CTBP1: variants seen among roughly 807,000 people sequenced by gnomAD.
The protein encoded by CTBP1 is C-terminal-binding protein 1.
CTBP1 carries 11 observed loss-of-function variants against 42.1 expected under a neutral mutation model. That is an observed-to-expected ratio of 0.26 (90% CI 0.16 to 0.43). CTBP1 has a LOEUF of 0.43. Ranked by LOEUF, CTBP1 falls within the 20% of genes least tolerant of loss-of-function variation. CTBP1 has a pLI of 1.00. For missense variants in CTBP1, 399 were observed against 624.3 expected (o/e 0.64, Z 3.85); for synonymous variants, 324 against 277.1 (o/e 1.17, Z -1.68).
At chr4:1,248,685 G>A (rs1001488921) in intron 1 of CTBP1, 21 of 981,360 alleles carry the variant, frequency 2.1e-5, no homozygotes, top group Middle Eastern at 1.0e-3. Context: ...GGCGGGGAGA[G>A]CAGACTGCGG....
Position 1,212,245 on chromosome 4 carries a change from A to G in CTBP1, c.1285T>C (p.Leu429=), listed in dbSNP as rs760712247. 9 of 1,487,636 alleles carry G rather than the reference A, an allele frequency of 6.0e-6. No individual in the cohort carries two copies. The highest frequency in any genetic ancestry group is 1.5e-5 in the African/African-American group (1 of 68,568). The allele number at this position is 1,487,636 out of a possible 1,614,324, so 92.2% of individuals were successfully genotyped here. A position where few individuals can be genotyped will look rare whatever the true frequency, so the allele number is the denominator to read the frequency against. ...EADRDHASDQ[L] The stretch of plus-strand genomic sequence containing the variant: ...GCTGGAGAGCTCCTCCCGGGCTACA[A>G]CTGGTCACTGGCGTGGTCTCTATCC... Residue 429 remains leucine, a synonymous_variant, in exon 10 of 10, where the codon TTG becomes CTG. Coordinates refer to ENST00000382952, the MANE Select transcript of CTBP1 (RefSeq NM_001012614.2).
chr4:1,226,296 C>T (rs1295140982), intron 4 of CTBP1, among the ~76,000 whole-genome samples: 1 of 152,170 alleles, frequency 6.6e-6, no homozygotes, highest in East Asian at 1.9e-4. Flanking sequence ...GCACTTCCCA[C>T]CCCATCCGGA....
intron 1 of CTBP1, chr4:1,244,675 A>C (rs969327074): frequency 1.0e-6 from 1 of 985,248 alleles, no homozygotes; most frequent in African/African-American, 1.7e-5. Flanking sequence ...GGGCACCCTA[A>C]GGCTGGGTGG....
intron 6 of CTBP1, among the ~76,000 whole-genome samples, chr4:1,215,331 ACATAC>A (rs1222369412): frequency 6.6e-6 from 1 of 152,258 alleles, no homozygotes; most frequent in African/African-American, 2.4e-5. Context: ...ACATGCACAT[ACATAC>A]AAGCTCATAC....
At position 1,245,936 on chromosome 4, in the gene CTBP1, G is replaced by A. The variant is rs141882370; in HGVS notation, c.-189+2980C>T. ...CCATCCTCACTCTCCTTCAACACCC[G>A]TGAGAACTGGTACCACCTGGGGCCG... is the stretch of plus-strand genomic sequence containing the variant. On this transcript the variant is annotated intron_variant, in intron 1 of 9. Coordinates refer to ENST00000382952, the MANE Select transcript of CTBP1 (RefSeq NM_001012614.2). Among the ~76,000 whole-genome samples the A allele has an allele frequency of 4.3e-3, 659 of 152,286 alleles. 7 individuals are homozygous for A. Among genetic ancestry groups the A allele is most frequent in the Admixed American group, 0.01 (158 of 15,312 alleles).
intron 1 of CTBP1, among the ~76,000 whole-genome samples, chr4:1,247,278 G>C (rs1269526647): frequency 6.6e-6 from 1 of 152,144 alleles, no homozygotes; most frequent in Non-Finnish European, 1.5e-5. Context: ...GCACCCCCAG[G>C]AGTGACCAGA....
intron 1 of CTBP1, among the ~76,000 whole-genome samples, chr4:1,247,258 G>A (rs1454730996): frequency 1.3e-5 from 2 of 152,234 alleles, no homozygotes; most frequent in African/African-American, 4.8e-5. Flanking sequence ...TGGCCGGGCA[G>A]GCGGACGAGG....
At chr4:1,237,259 G>A in intron 3 of CTBP1, 1 of 669,752 alleles carries the variant, frequency 1.5e-6, no homozygotes, top group Non-Finnish European at 2.7e-6. Context: ...CAAACCGAGT[G>A]TCCACCTCCT....
In CTBP1 at chr4:1,239,328, C is replaced by T. The variant is rs1473685893; in HGVS notation, c.8-991G>A. On this transcript the variant is annotated intron_variant, in intron 2 of 9. Coordinates refer to ENST00000382952, the MANE Select transcript of CTBP1 (RefSeq NM_001012614.2). ...CAGCTGGGCAGAGGCGGAGCTGGGGCCAGGGCCCAGCCGGTCCCTCCCCTC... is the reference window on the plus strand; with the variant it reads ...CAGCTGGGCAGAGGCGGAGCTGGGGTCAGGGCCCAGCCGGTCCCTCCCCTC... 5.8e-4 allele frequency among the ~76,000 whole-genome samples: 88 copies of T among 152,194 alleles called. 1 individual carries two copies. The highest frequency in any genetic ancestry group is 1.5e-5 in the Non-Finnish European group (1 of 68,032).
In CTBP1 at chr4:1,238,066, G is replaced by A. The variant is rs745762105; in HGVS notation, c.162+117C>T. 10 of 1,352,140 alleles carry A rather than the reference G, an allele frequency of 7.4e-6. No individual in the cohort carries two copies. In the South Asian group the frequency reaches 9.3e-5, roughly 13 times the overall value. The allele number at this position is 1,352,140 out of a possible 1,614,324, so 83.8% of individuals were successfully genotyped here. On this transcript the variant is annotated intron_variant, in intron 3 of 9. Transcript: ENST00000382952. This position sits in a 1 kb window ranked among gnomAD's most constrained non-coding sequence, Gnocchi z 5.9. Reference sequence around the variant, plus strand: ...ACGGCGCGGGACGACTGGGACAGAGGCTGCTCCTGCCCCAGTGGCACCCAG... The same window carrying A: ...ACGGCGCGGGACGACTGGGACAGAGACTGCTCCTGCCCCAGTGGCACCCAG...
chr4:1,238,114 C>A lies in CTBP1; in HGVS notation c.162+69G>T, dbSNP rs756497636. ...CAGACCTGCTGTGGCCCGGGCCTGC[C>A]GTGCTCCCGTCCCTCCAACTCCCCC... On this transcript the variant is annotated intron_variant, in intron 3 of 9. Transcript: ENST00000382952. The surrounding 1 kb of genome is among the most constrained non-coding windows in gnomAD (Gnocchi z 5.9). 4 of 1,601,252 alleles carry A rather than the reference C, an allele frequency of 2.5e-6. No individual in the cohort carries two copies. The South Asian group carries it at 3.3e-5, about 13-fold the overall frequency.
At chr4:1,225,933 G>A (rs559239656) in intron 4 of CTBP1, among the ~76,000 whole-genome samples, 2 of 152,182 alleles carry the variant, frequency 1.3e-5, no homozygotes, top group South Asian at 4.1e-4. Flanking sequence ...TCCTCTCGGG[G>A]GTACCCTGCT....
At chr4:1,242,530 C>A (rs1244331300) in intron 1 of CTBP1, 2 of 984,992 alleles carry the variant, frequency 2.0e-6, no homozygotes, top group African/African-American at 3.5e-5. Context: ...TCAACTCCCT[C>A]TGCAGGATTC....
rs1257926970 is a variant in CTBP1 at position 1,212,060 on chromosome 4, C to T, written c.*180G>A. On this transcript the variant is annotated 3_prime_UTR_variant, in exon 10 of 10. Coordinates refer to ENST00000382952, the MANE Select transcript of CTBP1 (RefSeq NM_001012614.2). The stretch of plus-strand genomic sequence containing the variant: ...AACGCGAAGGACACAGGGCAGAGCG[C>T]CCACAGGACGGACGACGACAAGCGA... The T allele has an allele frequency of 6.7e-6, 3 of 449,784 alleles. No homozygotes were observed. The highest frequency in any genetic ancestry group is 1.2e-5 in the Non-Finnish European group (3 of 259,848). 27.9% of individuals were successfully genotyped at this position (449,784 alleles called of 1,614,324 possible).
At chr4:1,243,385 G>C (rs1732392605) in intron 1 of CTBP1, 31 of 985,240 alleles carry the variant, frequency 3.1e-5, no homozygotes, top group Non-Finnish European at 3.7e-5. Context: ...CCCTGGGCTA[G>C]CCCTGCCAGA....
At chr4:1,224,268 T>C (rs567732276) in intron 5 of CTBP1, among the ~76,000 whole-genome samples, 180 of 150,750 alleles carry the variant, frequency 1.2e-3, no homozygotes, top group African/African-American at 4.2e-3. Context: ...GTGATACCCG[T>C]GTGTGTGTGC....
intron 5 of CTBP1, chr4:1,217,408 T>C (rs1277738563): frequency 1.3e-5 from 2 of 152,128 alleles, no homozygotes; most frequent in African/African-American, 2.4e-5. Context: ...GTTCTGAGGG[T>C]TGCAGCCACG....
At chr4:1,232,033 G>A (rs1217873747) in intron 3 of CTBP1, among the ~76,000 whole-genome samples, 2 of 152,244 alleles carry the variant, frequency 1.3e-5, no homozygotes, top group Admixed American at 6.5e-5. Flanking sequence ...TACTGATTGG[G>A]AGGAGTCTTT....
At chr4:1,244,784 C>A in intron 1 of CTBP1, 2 of 985,430 alleles carry the variant, frequency 2.0e-6, no homozygotes, top group Non-Finnish European at 2.4e-6. Flanking sequence ...GAGTCCCCGG[C>A]AGCCATCTGG....
Sources: gnomAD v4.1 joint callset for allele counts (sites outside exome capture counted in the v4.1 genomes callset) on GRCh38, gnomAD v4.1.1 for gene constraint, Gnocchi (gnomAD v3.1) non-coding constraint, MANE v1.5 for transcripts, NCBI Gene and HGNC (gene_info 2026-07-23, HGNC 2026-07-21) for gene names.